MCC: variants seen among roughly 807,000 people sequenced by gnomAD.
The protein encoded by MCC is MCC regulator of Wnt signaling pathway.
A neutral mutation model predicts 116.2 loss-of-function variants in MCC; 90 were observed. The ratio of observed to expected loss-of-function variants is 0.77; its 90% confidence interval spans 0.65 to 0.92. The LOEUF is 0.92. Ranked by LOEUF, MCC falls within the 40% of genes least tolerant of loss-of-function variation. The pLI, the probability that MCC is intolerant of heterozygous loss-of-function variation, is 0.00. For synonymous variants in MCC, 578 were observed against 510.5 expected (o/e 1.13, Z -1.78); for missense variants, 1,516 against 1,312.2 (o/e 1.16, Z -2.40).
rs73241779 is a variant in MCC at position 113,465,975 on chromosome 5, C to T, written c.170+22270G>A. On this transcript the variant is annotated intron_variant, in intron 1 of 18. Coordinates refer to ENST00000408903, the MANE Select transcript of MCC (RefSeq NM_001085377.2). Reference sequence around the variant, plus strand: ...TTTTTTAGATGGAGTCTCGTTCCATCGCTCAGGCTGGAGTGCGGTGGCGCG... The same window carrying T: ...TTTTTTAGATGGAGTCTCGTTCCATTGCTCAGGCTGGAGTGCGGTGGCGCG... Among the ~76,000 whole-genome samples, 9 of 151,324 alleles carry T rather than the reference C, an allele frequency of 5.9e-5. No individual in the cohort carries two copies. In the East Asian group the frequency reaches 7.8e-4, roughly 13 times the overall value.
chr5:113,242,035 C>T (rs11740318), intron 3 of MCC, among the ~76,000 whole-genome samples: 16,459 of 152,202 alleles, frequency 0.11, 1,406 homozygotes, highest in Admixed American at 0.25. Flanking sequence ...GAACACCCTC[C>T]TTCTCATAAA....
chr5:113,125,290 A>G (rs752078957), intron 5 of MCC, among the ~76,000 whole-genome samples: 7 of 152,300 alleles, frequency 4.6e-5, no homozygotes, highest in Non-Finnish European at 8.8e-5. Flanking sequence ...AATGAGAAGA[A>G]GAGAAATGCA....
At chr5:113,357,786 G>A (rs923042903) in intron 2 of MCC, among the ~76,000 whole-genome samples, 1 of 152,176 alleles carries the variant, frequency 6.6e-6, no homozygotes, top group Non-Finnish European at 1.5e-5. Context: ...CCAAGTGCTA[G>A]CAGGCCACTG....
intron 8 of MCC, among the ~76,000 whole-genome samples, chr5:113,100,433 GGAT>G (rs553480926): frequency 6.7e-6 from 1 of 149,794 alleles, no homozygotes; most frequent in South Asian, 2.1e-4. Context: ...CAATGGTGAA[GGAT>G]GATGAGACCC....
intron 14 of MCC, among the ~76,000 whole-genome samples, chr5:113,060,260 T>C (rs545520818): frequency 1.3e-5 from 2 of 152,268 alleles, no homozygotes; most frequent in East Asian, 3.9e-4. Flanking sequence ...GTTCAAGCAA[T>C]TCTCCTGCCT....
chr5:113,228,989 A>C (rs1007862094), intron 3 of MCC, among the ~76,000 whole-genome samples: 1 of 152,224 alleles, frequency 6.6e-6, no homozygotes, highest in African/African-American at 2.4e-5. Flanking sequence ...TATCATGTTT[A>C]GTTTTAAATA....
At chr5:113,121,946 A>T (rs75097167) in intron 6 of MCC, among the ~76,000 whole-genome samples, 2 of 152,210 alleles carry the variant, frequency 1.3e-5, no homozygotes, top group African/African-American at 4.8e-5. Flanking sequence ...AGGCAAGACC[A>T]GTAGTTTTGT....
At chr5:113,099,494 T>G (rs1258306235) in intron 8 of MCC, among the ~76,000 whole-genome samples, 7 of 152,230 alleles carry the variant, frequency 4.6e-5, no homozygotes, top group Non-Finnish European at 8.8e-5. Context: ...TACTACTAAT[T>G]TTTTGAGCAT....
intron 6 of MCC, among the ~76,000 whole-genome samples, chr5:113,122,161 A>C (rs987647775): frequency 1.3e-5 from 2 of 152,216 alleles, no homozygotes; most frequent in African/African-American, 4.8e-5. Context: ...TTACACATGG[A>C]TATTTCTCTA....
At chr5:113,073,258 CT>C (rs1226472796) in intron 11 of MCC, among the ~76,000 whole-genome samples, 4 of 152,180 alleles carry the variant, frequency 2.6e-5, no homozygotes, top group African/African-American at 9.6e-5. Flanking sequence ...TGCAACCCAG[CT>C]GCAGTTTCCA....
intron 3 of MCC, among the ~76,000 whole-genome samples, chr5:113,303,378 C>A (rs1167081943): frequency 6.6e-6 from 1 of 152,186 alleles, no homozygotes; most frequent in African/African-American, 2.4e-5. Flanking sequence ...CCAAAACCAA[C>A]TTTAATTGCA....
chr5:113,085,967 G>A (rs181101532), intron 8 of MCC, among the ~76,000 whole-genome samples: 2 of 152,308 alleles, frequency 1.3e-5, no homozygotes, highest in African/African-American at 2.4e-5. Context: ...TGGGATTACC[G>A]GCATGAGCCA....
intron 3 of MCC, chr5:113,294,687 C>G: frequency 9.6e-7 from 1 of 1,038,030 alleles, no homozygotes; most frequent in Non-Finnish European, 1.2e-6. Flanking sequence ...GCGCCCCGTT[C>G]CGGGGCAGTG....
intron 3 of MCC, among the ~76,000 whole-genome samples, chr5:113,237,535 C>T (rs548351164): frequency 6.6e-6 from 1 of 152,184 alleles, no homozygotes; most frequent in African/African-American, 2.4e-5. Context: ...AGAAAATTAC[C>T]TAATCTTATT....
At chr5:113,302,329 G>C (rs1235641208) in intron 3 of MCC, among the ~76,000 whole-genome samples, 1 of 152,050 alleles carries the variant, frequency 6.6e-6, no homozygotes, top group Non-Finnish European at 1.5e-5. Context: ...AAGGGAAAAA[G>C]GGAAGTAAGC....
intron 17 of MCC, among the ~76,000 whole-genome samples, chr5:113,039,785 G>T (rs547244533): frequency 6.8e-6 from 1 of 146,114 alleles, no homozygotes; most frequent in Non-Finnish European, 1.5e-5. Flanking sequence ...AGAATATGAC[G>T]GAGATGAACT....
intron 14 of MCC, among the ~76,000 whole-genome samples, chr5:113,054,871 G>A (rs868166577): frequency 1.3e-5 from 2 of 152,230 alleles, no homozygotes; most frequent in African/African-American, 4.8e-5. Context: ...GGAGGCCACG[G>A]CTTTCAAGTG....
At chr5:113,107,130 A>G (rs6860460) in intron 6 of MCC, among the ~76,000 whole-genome samples, 65,276 of 151,802 alleles carry the variant, frequency 0.43, 15,032 homozygotes, top group African/African-American at 0.57. Context: ...TTTTTTAAAT[A>G]GGCAAAGAGA....
Position 113,073,656 on chromosome 5 carries a change from CT to C in MCC, c.1785-2423del, listed in dbSNP as rs565478702. 9.4e-3 allele frequency among the ~76,000 whole-genome samples: 1,351 copies of C among 144,164 alleles called. 23 individuals are homozygous for C. Among genetic ancestry groups the C allele is most frequent in the African/African-American group, 0.03 (1,177 of 39,354 alleles). The allele number at this position is 144,164 out of a possible 152,430, so 94.6% of individuals were successfully genotyped here. ...AGAATATCAGTTCGCCATATGGCTG[CT>C]TTTTTTTTTTTTTCTTTTAAATCCA... On this transcript the variant is annotated intron_variant, in intron 11 of 18. Transcript: ENST00000408903.
Sources: gnomAD v4.1 joint callset for allele counts (sites outside exome capture counted in the v4.1 genomes callset) on GRCh38, gnomAD v4.1.1 for gene constraint, MANE v1.5 for transcripts, NCBI Gene and HGNC (gene_info 2026-07-23, HGNC 2026-07-21) for gene names.